IMMP2L: variants seen among roughly 807,000 people sequenced by gnomAD.
The protein encoded by IMMP2L is mitochondrial inner membrane protease subunit 2.
IMMP2L carries 18 observed loss-of-function variants against 19.3 expected under a neutral mutation model. The ratio of observed to expected loss-of-function variants is 0.93; its 90% CI spans 0.64 to 1.38. The LOEUF (loss-of-function observed/expected upper bound fraction) is 1.38, where lower values mean the gene tolerates loss of function less well. IMMP2L is among the 40% of genes most tolerant of loss of function. IMMP2L has a pLI of 0.00. For synonymous variants in IMMP2L, 76 were observed against 73.0 expected (o/e 1.04, Z -0.21); for missense variants, 233 against 218.2 (o/e 1.07, Z -0.43).
intron 3 of IMMP2L, among the ~76,000 whole-genome samples, chr7:111,353,216 AAG>A: frequency 6.6e-6 from 1 of 152,302 alleles, no homozygotes; most frequent in Non-Finnish European, 1.5e-5. Context: ...CTGGAGAGTG[AAG>A]CACAAATCTC....
intron 5 of IMMP2L, among the ~76,000 whole-genome samples, chr7:110,846,366 T>TTTTTTG: frequency 8.8e-6 from 1 of 113,174 alleles, no homozygotes; most frequent in African/African-American, 3.5e-5. Flanking sequence ...TTTTTTTTTT[T>TTTTTTG]TTGTTGTTGT....
At chr7:110,827,374 C>CT (rs1310574175) in intron 5 of IMMP2L, among the ~76,000 whole-genome samples, 1 of 152,130 alleles carries the variant, frequency 6.6e-6, no homozygotes, top group Non-Finnish European at 1.5e-5. Context: ...CCACAGAGTT[C>CT]TTTTTAGTGA....
intron 3 of IMMP2L, among the ~76,000 whole-genome samples, chr7:111,367,505 T>TACA (rs572859188): frequency 1.8e-4 from 28 of 151,728 alleles, no homozygotes; most frequent in Non-Finnish European, 3.4e-4. Context: ...CAACATGTAG[T>TACA]ACAGTTAACA....
chr7:111,480,902 A>G (rs1842123895), intron 3 of IMMP2L, among the ~76,000 whole-genome samples: 1 of 152,178 alleles, frequency 6.6e-6, no homozygotes, highest in Admixed American at 6.5e-5. Context: ...GCAGGTTCCA[A>G]TTAATTTCCT....
chr7:110,926,603 C>A (rs561562337), intron 4 of IMMP2L, among the ~76,000 whole-genome samples: 2 of 151,922 alleles, frequency 1.3e-5, no homozygotes, highest in East Asian at 3.9e-4. Context: ...ATATGTATTC[C>A]GTTAATTTTT....
At chr7:110,794,292 A>G (rs921806704) in intron 5 of IMMP2L, among the ~76,000 whole-genome samples, 1 of 152,158 alleles carries the variant, frequency 6.6e-6, no homozygotes, top group Non-Finnish European at 1.5e-5. Flanking sequence ...ACTGTGGTAC[A>G]TACATACAAT....
At chr7:111,155,137 A>G (rs1804501099) in intron 3 of IMMP2L, among the ~76,000 whole-genome samples, 1 of 152,132 alleles carries the variant, frequency 6.6e-6, no homozygotes, top group East Asian at 1.9e-4. Flanking sequence ...CTTCTTCCCT[A>G]GGATCAAGAT....
rs536032055 is a variant in IMMP2L at position 110,888,464 on chromosome 7, A to G, written c.306-1769T>C. 2.2e-3 allele frequency among the ~76,000 whole-genome samples: 330 copies of G among 152,316 alleles called. 1 individual carries two copies. The highest frequency in any genetic ancestry group is 4.1e-3 in the Non-Finnish European group (280 of 68,012). Reference sequence around the variant, plus strand: ...ATGCTCAGAAAGAAAACAATTACCAATTTTGTCTCTTCAAATAACCATTCA... The same window carrying G: ...ATGCTCAGAAAGAAAACAATTACCAGTTTTGTCTCTTCAAATAACCATTCA... On this transcript the variant is annotated intron_variant, in intron 4 of 5. Transcript: ENST00000405709.
intron 3 of IMMP2L, among the ~76,000 whole-genome samples, chr7:111,481,344 A>T (rs927427308): frequency 6.6e-6 from 1 of 152,168 alleles, no homozygotes; most frequent in Admixed American, 6.6e-5. Flanking sequence ...GAGACATTAT[A>T]GGATGATGGT....
chr7:111,302,282 A>G (rs1326353230), intron 3 of IMMP2L, among the ~76,000 whole-genome samples: 1 of 152,108 alleles, frequency 6.6e-6, no homozygotes, highest in Non-Finnish European at 1.5e-5. Flanking sequence ...CACTACCTGA[A>G]AATTTTATCA....
At chr7:111,446,574 G>A (rs920735161) in intron 3 of IMMP2L, among the ~76,000 whole-genome samples, 15 of 151,596 alleles carry the variant, frequency 9.9e-5, no homozygotes, top group Non-Finnish European at 2.1e-4. Flanking sequence ...CATCATCAAA[G>A]ACCAAAAGTA....
chr7:110,817,111 G>T (rs1168548978), intron 5 of IMMP2L, among the ~76,000 whole-genome samples: 1 of 152,062 alleles, frequency 6.6e-6, no homozygotes, highest in Non-Finnish European at 1.5e-5. Context: ...GTTCTGGCCA[G>T]GGCAATTAGG....
chr7:111,199,087 A>T (rs1562917079), intron 3 of IMMP2L, among the ~76,000 whole-genome samples: 1 of 150,252 alleles, frequency 6.7e-6, no homozygotes, highest in Non-Finnish European at 1.5e-5. Flanking sequence ...ATTTGTGTCC[A>T]TTTTTTTTTC....
At chr7:110,787,070 C>A (rs1217327390) in intron 5 of IMMP2L, among the ~76,000 whole-genome samples, 1 of 151,872 alleles carries the variant, frequency 6.6e-6, no homozygotes, top group Non-Finnish European at 1.5e-5. Context: ...TCTGACATGA[C>A]AAATCAATAA....
intron 3 of IMMP2L, among the ~76,000 whole-genome samples, chr7:111,240,803 A>C (rs1814922137): frequency 6.6e-6 from 1 of 151,896 alleles, no homozygotes; most frequent in South Asian, 2.1e-4. Context: ...TGTCAGAAAA[A>C]TTAAACATTT....
chr7:110,972,893 G>A (rs572258209), intron 3 of IMMP2L, among the ~76,000 whole-genome samples: 1 of 152,046 alleles, frequency 6.6e-6, no homozygotes, highest in Non-Finnish European at 1.5e-5. Flanking sequence ...TCAGAATGAG[G>A]GAAAGTTTGG....
At chr7:111,149,296 A>C (rs1313895523) in intron 3 of IMMP2L, among the ~76,000 whole-genome samples, 3 of 152,142 alleles carry the variant, frequency 2.0e-5, no homozygotes, top group African/African-American at 7.2e-5. Flanking sequence ...TAATAATGAA[A>C]AACACTGATA....
chr7:111,301,950 A>C (rs1317418787), intron 3 of IMMP2L, among the ~76,000 whole-genome samples: 2 of 128,294 alleles, frequency 1.6e-5, no homozygotes, highest in East Asian at 2.4e-4. Context: ...AAAAAAAAAA[A>C]ACCTTAAGAA....
intron 2 of IMMP2L, among the ~76,000 whole-genome samples, chr7:111,504,269 G>A (rs1388547662): frequency 8.5e-5 from 13 of 152,168 alleles, no homozygotes; most frequent in Non-Finnish European, 1.6e-4. Context: ...TACAAGGGAT[G>A]TGAAAGACCT....
Sources: gnomAD v4.1 joint callset for allele counts (sites outside exome capture counted in the v4.1 genomes callset) on GRCh38, gnomAD v4.1.1 for gene constraint, MANE v1.5 for transcripts, NCBI Gene and HGNC (gene_info 2026-07-23, HGNC 2026-07-21) for gene names.